The following FHOD3 variants were observed in gnomAD, a reference collection of about 807,000 sequenced individuals.
FHOD3 encodes the protein FH1/FH2 domain-containing protein 3.
Under a neutral mutation model 173.0 loss-of-function variants are expected in FHOD3, and 90 were observed. The observed-to-expected ratio is 0.52, with a 90% CI of 0.44 to 0.62. The LOEUF (loss-of-function observed/expected upper bound fraction) is 0.62, where lower values mean the gene tolerates loss of function less well. FHOD3 is among the 20% of genes least tolerant of loss of function. The pLI, the probability that FHOD3 is intolerant of heterozygous loss-of-function variation, is 0.00. For missense variants in FHOD3, 1,945 were observed against 2,034.7 expected (o/e 0.96, Z 0.85); for synonymous variants, 828 against 823.0 (o/e 1.01, Z -0.10).
intron 7 of FHOD3, among the ~76,000 whole-genome samples, chr18:36,599,860 C>T (rs1402976286): frequency 6.6e-6 from 1 of 151,142 alleles, no homozygotes; most frequent in African/African-American, 2.4e-5. Flanking sequence ...TGTAAACATT[C>T]TTCACATAGG....
chr18:36,363,284 C>T (rs1051845817), intron 2 of FHOD3, among the ~76,000 whole-genome samples: 1 of 152,208 alleles, frequency 6.6e-6, no homozygotes, highest in South Asian at 2.1e-4. Flanking sequence ...ATTTGGCAAT[C>T]GTGCTTCTGG....
At chr18:36,415,719 T>A (rs758517624) in intron 3 of FHOD3, among the ~76,000 whole-genome samples, 10 of 152,242 alleles carry the variant, frequency 6.6e-5, no homozygotes, top group Non-Finnish European at 1.2e-4. Context: ...TCTCAAATCT[T>A]AAAAGAAATG....
chr18:36,727,633 C>G (rs954975476), intron 19 of FHOD3, among the ~76,000 whole-genome samples: 1 of 152,236 alleles, frequency 6.6e-6, no homozygotes, highest in Admixed American at 6.5e-5. Context: ...GTGGCGCACC[C>G]CTCCCTGACT....
intron 1 of FHOD3, among the ~76,000 whole-genome samples, chr18:36,326,107 A>C (rs1020814255): frequency 1.3e-5 from 2 of 152,208 alleles, no homozygotes; most frequent in Non-Finnish European, 2.9e-5. Flanking sequence ...TGGTCAAGTC[A>C]AAATACAAAA....
At chr18:36,521,502 C>G (rs2056271899) in intron 5 of FHOD3, among the ~76,000 whole-genome samples, 1 of 152,138 alleles carries the variant, frequency 6.6e-6, no homozygotes, top group African/African-American at 2.4e-5. Flanking sequence ...TAACCCCTTT[C>G]TCTCATTCAT....
chr18:36,451,800 G>A (rs1568289261), intron 3 of FHOD3, among the ~76,000 whole-genome samples: 1 of 152,194 alleles, frequency 6.6e-6, no homozygotes, highest in Non-Finnish European at 1.5e-5. Context: ...CCCATCCTGC[G>A]TGGAGCTCCT....
At chr18:36,354,297 C>G (rs750224319) in intron 1 of FHOD3, among the ~76,000 whole-genome samples, 1 of 152,156 alleles carries the variant, frequency 6.6e-6, no homozygotes, top group Non-Finnish European at 1.5e-5. Context: ...TCCAGCTCCA[C>G]CATTTACTAG....
intron 5 of FHOD3, among the ~76,000 whole-genome samples, chr18:36,535,417 C>T (rs2056956631): frequency 6.6e-6 from 1 of 152,184 alleles, no homozygotes; most frequent in Non-Finnish European, 1.5e-5. Context: ...TTCCTAGTTT[C>T]TTATGCGAGA....
intron 28 of FHOD3, among the ~76,000 whole-genome samples, chr18:36,772,050 G>C (rs2043409506): frequency 6.6e-6 from 1 of 152,222 alleles, no homozygotes; most frequent in African/African-American, 2.4e-5. Flanking sequence ...AATCTGGCCA[G>C]AGAGATGTTT....
intron 17 of FHOD3, among the ~76,000 whole-genome samples, chr18:36,698,340 A>G (rs1026794311): frequency 2.5e-4 from 38 of 152,198 alleles, no homozygotes; most frequent in Non-Finnish European, 1.2e-4. Flanking sequence ...CTCCTCATAG[A>G]AATGACAGTT....
chr18:36,498,813 TAGC>T (rs1384514543), intron 3 of FHOD3, among the ~76,000 whole-genome samples: 1 of 152,216 alleles, frequency 6.6e-6, no homozygotes, highest in Non-Finnish European at 1.5e-5. Context: ...AACAAAATAT[TAGC>T]AGTCATTCTC....
intron 18 of FHOD3, among the ~76,000 whole-genome samples, chr18:36,715,752 A>G (rs549789635): frequency 1.8e-4 from 27 of 152,350 alleles, no homozygotes; most frequent in Admixed American, 7.8e-4. Context: ...AAAATAAAGC[A>G]GGAAAGGATG....
rs1374407660 is a variant in FHOD3, at chr18:36,402,910, TG to T, written c.337+30167del. Among the ~76,000 whole-genome samples the T allele has an allele frequency of 2.6e-5, 4 of 152,380 alleles. No homozygotes were observed. In the East Asian group the frequency reaches 7.7e-4, roughly 29 times the overall value. ...TTTCACATCTGCTGAGAGGCGTGTT[TG>T]CCTGAGCTGAAGCTGTGGCCAACGG... On this transcript the variant is annotated intron_variant, in intron 3 of 28. Coordinates refer to ENST00000590592, the MANE Select transcript of FHOD3 (RefSeq NM_001281740.3).
At chr18:36,298,772 T>A (rs1370936789) in intron 1 of FHOD3, among the ~76,000 whole-genome samples, 4 of 147,974 alleles carry the variant, frequency 2.7e-5, no homozygotes, top group East Asian at 2.0e-4. Context: ...TTTTTTTTTT[T>A]ATTTGTTATT....
chr18:36,639,815 T>C (rs2035176718), intron 10 of FHOD3, among the ~76,000 whole-genome samples: 1 of 52,842 alleles, frequency 1.9e-5, no homozygotes, highest in Non-Finnish European at 3.4e-5. Flanking sequence ...GAATAAAGTG[T>C]TTTTTTTTTT....
chr18:36,608,578 A>G (rs2032337046), intron 8 of FHOD3, among the ~76,000 whole-genome samples: 1 of 152,192 alleles, frequency 6.6e-6, no homozygotes, highest in South Asian at 2.1e-4. Flanking sequence ...ATGTACATGG[A>G]GATGGATCAC....
rs142262876 is a variant in FHOD3, at chr18:36,382,768, G to A, written c.337+10024G>A. Among the ~76,000 whole-genome samples the A allele has an allele frequency of 3.3e-3, 491 of 148,738 alleles. 3 individuals carry two copies. The highest frequency in any genetic ancestry group is 0.021 in the Middle Eastern group (6 of 292). ...GTCTCAGATTCTGTCAACCCGAGAC[G>A]GGTCCTGTCTAGGAATGTAAGACTG... On this transcript the variant is annotated intron_variant, in intron 3 of 28. Coordinates refer to ENST00000590592, the MANE Select transcript of FHOD3 (RefSeq NM_001281740.3).
At chr18:36,532,204 A>G (rs966498973) in intron 5 of FHOD3, among the ~76,000 whole-genome samples, 1 of 152,180 alleles carries the variant, frequency 6.6e-6, no homozygotes, top group African/African-American at 2.4e-5. Flanking sequence ...TGTGATTTCT[A>G]GACTTGGAGT....
chr18:36,652,672 G>T lies in FHOD3; in HGVS notation c.1389G>T (p.Pro463=). 2 of 1,535,662 alleles carry T rather than the reference G, an allele frequency of 1.3e-6. No homozygotes were observed. The highest frequency in any genetic ancestry group is 2.4e-5 in the East Asian group (1 of 40,882). Residue 463 remains proline (P), a synonymous_variant, in exon 12 of 29, where the codon CCG becomes CCT. Coordinates refer to ENST00000590592, the MANE Select transcript of FHOD3 (RefSeq NM_001281740.3). ...CGAATGCCAGCTCGCAGGGAAAGCC[G>T]CTTCTGGTTGGCACTGCAGGCGGGA... The part of the protein sequence containing the change: ...AVSNASSQGK[P]LLVGTAGGTT...
Sources: allele counts gnomAD v4.1 joint callset (sites outside exome capture counted in the v4.1 genomes callset), GRCh38; gene constraint gnomAD v4.1.1; transcripts MANE v1.5; gene names NCBI Gene and HGNC (gene_info 2026-07-23, HGNC 2026-07-21).